The following AAK1 variants were observed in gnomAD, a reference collection of about 807,000 sequenced individuals.
AAK1 encodes AP2-associated protein kinase 1.
Under a neutral mutation model 116.0 loss-of-function variants are expected in AAK1, and 37 were observed. The observed-to-expected ratio is 0.32, with a 90% CI of 0.25 to 0.42. The LOEUF (loss-of-function observed/expected upper bound fraction) is 0.42, where lower values mean the gene tolerates loss of function less well. Among genes scored for constraint, AAK1 ranks in the 10% least tolerant of loss-of-function variants. AAK1 has a pLI of 1.00. For synonymous variants in AAK1, 458 were observed against 439.9 expected, an observed-to-expected ratio of 1.04 and a Z score of -0.51; for missense variants, 919 against 1,170.6, an observed-to-expected ratio of 0.79 and a Z score of 3.14.
chr2:69,514,691 G>A lies in AAK1; in HGVS notation c.1556C>T (p.Ser519Phe). ...KPAIAQFPVV[S>F]QGGSQQQLMQ... ...TAGCTGCTGTTGAGAGCCTCCTTGG[G>A]ACACCACAGGGAACTGAGCAATTGC... is the stretch of plus-strand genomic sequence containing the variant. Residue 519 changes from serine (S) to phenylalanine (F), a missense_variant, in exon 13 of 22, where the codon TCC becomes TTC. Coordinates refer to ENST00000409085, the MANE Select transcript of AAK1 (RefSeq NM_014911.5). 2 of 1,613,452 alleles carry A rather than the reference G, an allele frequency of 1.2e-6. No individual in the cohort carries two copies. Among genetic ancestry groups the A allele is most frequent in the Non-Finnish European group, 1.7e-6 (2 of 1,179,656 alleles).
intron 2 of AAK1, among the ~76,000 whole-genome samples, chr2:69,619,250 A>G (rs1210137949): frequency 1.3e-5 from 2 of 152,074 alleles, no homozygotes; most frequent in Admixed American, 1.3e-4. Flanking sequence ...CCTCAGCCCC[A>G]TACTTACCAC....
intron 19 of AAK1, 22 bp from the exon 20 acceptor site, chr2:69,479,083 C>G: frequency 6.6e-7 from 1 of 1,519,482 alleles, no homozygotes; most frequent in East Asian, 2.3e-5. Context: ...TTAACAGCAT[C>G]CCAGGTCAGT....
chr2:69,470,058 G>A lies in AAK1; in HGVS notation c.*5811C>T. On this transcript the variant is annotated 3_prime_UTR_variant, in exon 22 of 22. Coordinates refer to ENST00000409085, the MANE Select transcript of AAK1 (RefSeq NM_014911.5). Reference sequence around the variant, plus strand: ...CTGGAAACTCCATCTGATTGACATAGTGAGGGCCATCAGAATGCTCCCTAC... The same window carrying A: ...CTGGAAACTCCATCTGATTGACATAATGAGGGCCATCAGAATGCTCCCTAC... The A allele has an allele frequency of 2.0e-6, 2 of 985,418 alleles. No individual in the cohort carries two copies. Among genetic ancestry groups the A allele is most frequent in the Non-Finnish European group, 2.4e-6 (2 of 829,926 alleles). 61.0% of individuals were successfully genotyped at this position (985,418 alleles called of 1,614,324 possible).
chr2:69,500,548 A>G (rs1205075500), intron 16 of AAK1, among the ~76,000 whole-genome samples: 1 of 151,762 alleles, frequency 6.6e-6, no homozygotes, highest in African/African-American at 2.4e-5. Context: ...AATGAGCAAG[A>G]AAAGTGCTTA....
intron 2 of AAK1, among the ~76,000 whole-genome samples, chr2:69,606,902 C>T (rs776740722): frequency 2.0e-5 from 3 of 151,934 alleles, no homozygotes; most frequent in Non-Finnish European, 2.9e-5. Context: ...CCCATCTCTA[C>T]AAAAAATACA....
At position 69,472,872 on chromosome 2, in the gene AAK1, C is replaced by T; in HGVS notation, c.*2997G>A. The T allele has an allele frequency of 1.0e-6, 1 of 985,756 alleles. No individual in the cohort carries two copies. The highest frequency in any genetic ancestry group is 1.2e-6 in the Non-Finnish European group (1 of 829,858). The allele number at this position is 985,756 out of a possible 1,614,324, so 61.1% of individuals were successfully genotyped here. On this transcript the variant is annotated 3_prime_UTR_variant, in exon 22 of 22. Coordinates refer to ENST00000409085, the MANE Select transcript of AAK1 (RefSeq NM_014911.5). ...TTCTGTAATACTTAAAAAGGAAAAT[C>T]TCTAAGATTATGATTTAGGCTTCTA... is the stretch of plus-strand genomic sequence containing the variant.
chr2:69,488,680 A>T (rs1365930880), intron 17 of AAK1, among the ~76,000 whole-genome samples: 2 of 152,164 alleles, frequency 1.3e-5, no homozygotes, highest in African/African-American at 2.4e-5. Flanking sequence ...TACAGTAGTG[A>T]ATATGGGTCA....
At position 69,466,768 on chromosome 2, in the gene AAK1, C is replaced by T. The variant is rs562358858; in HGVS notation, c.*9101G>A. ...ACGTTTTGGAACATGATAGGCACGA[C>T]GTACAGGAAAGGAGATGAAGATGTT... On this transcript the variant is annotated 3_prime_UTR_variant, in exon 22 of 22. Coordinates refer to ENST00000409085, the MANE Select transcript of AAK1 (RefSeq NM_014911.5). The T allele has an allele frequency of 1.1e-3, 1,075 of 985,372 alleles. 1 individual carries two copies. Among genetic ancestry groups the T allele is most frequent in the Non-Finnish European group, 1.2e-3 (1,029 of 829,932 alleles). 61.0% of individuals were successfully genotyped at this position (985,372 alleles called of 1,614,324 possible).
rs550354011 is a variant in AAK1 at position 69,473,022 on chromosome 2, T to C, written c.*2847A>G. ...AAGAACATCAGGATTATATAAATCC[T>C]TCATAGCCCTTCTCAATATAATAAT... is the stretch of plus-strand genomic sequence containing the variant. On this transcript the variant is annotated 3_prime_UTR_variant, in exon 22 of 22. Transcript: ENST00000409085. 2.0e-6 allele frequency: 2 copies of C among 975,682 alleles called. No individual in the cohort carries two copies. Among genetic ancestry groups the C allele is most frequent in the South Asian group, 4.7e-5 (1 of 21,070 alleles). The allele number at this position is 975,682 out of a possible 1,614,324, so 60.4% of individuals were successfully genotyped here. A position where few individuals can be genotyped will look rare whatever the true frequency, so the allele number is the denominator to read the frequency against.
chr2:69,513,008 T>C lies in AAK1; in HGVS notation c.1776+1463A>G, dbSNP rs183410542. 4.6e-3 allele frequency among the ~76,000 whole-genome samples: 696 copies of C among 152,342 alleles called. 3 individuals are homozygous for C. The highest frequency in any genetic ancestry group is 0.016 in the African/African-American group (663 of 41,584). ...TAGTCTATGCCTCAGTTTCCAATTC[T>C]GTAAAATGAGGAGGCTGAACTGAAT... is the stretch of plus-strand genomic sequence containing the variant. On this transcript the variant is annotated intron_variant, in intron 13 of 21. Transcript: ENST00000409085.
chr2:69,585,434 TA>T (rs1172607712), intron 2 of AAK1, among the ~76,000 whole-genome samples: 2 of 152,160 alleles, frequency 1.3e-5, no homozygotes, highest in Non-Finnish European at 2.9e-5. Flanking sequence ...GGTTAACATT[TA>T]TGCTTCGGCA....
chr2:69,531,574 C>T, intron 6 of AAK1: 9 of 986,850 alleles, frequency 9.1e-6, no homozygotes, highest in Non-Finnish European at 1.1e-5. Flanking sequence ...GATTCAGTAT[C>T]TGCAGAGACT....
Position 69,471,834 on chromosome 2 carries a change from A to G in AAK1, c.*4035T>C. 1 of 985,486 alleles carries G rather than the reference A, an allele frequency of 1.0e-6. No individual in the cohort carries two copies. Among genetic ancestry groups the G allele is most frequent in the Non-Finnish European group, 1.2e-6 (1 of 829,928 alleles). The allele number at this position is 985,486 out of a possible 1,614,324, so 61.0% of individuals were successfully genotyped here. ...AACTGTTCCTAACCTGGGGAAGGTT[A>G]TATTGGTTGATCAATTATCTGTCAG... On this transcript the variant is annotated 3_prime_UTR_variant, in exon 22 of 22. Transcript: ENST00000409085.
rs114193346 is a variant in AAK1 at position 69,467,575 on chromosome 2, G to A, written c.*8294C>T. 2 of 985,238 alleles carry A rather than the reference G, an allele frequency of 2.0e-6. No homozygotes were observed. Among genetic ancestry groups the A allele is most frequent in the African/African-American group, 1.7e-5 (1 of 57,190 alleles). 61.0% of individuals were successfully genotyped at this position (985,238 alleles called of 1,614,324 possible). Reference sequence around the variant, plus strand: ...TGGGCTCAGTAAAGAGATACTACTGGAGTTTCCCAACCCACCAGGATAAGA... The same window carrying A: ...TGGGCTCAGTAAAGAGATACTACTGAAGTTTCCCAACCCACCAGGATAAGA... On this transcript the variant is annotated 3_prime_UTR_variant, in exon 22 of 22. Transcript: ENST00000409085.
chr2:69,585,727 G>T (rs1672736198), intron 2 of AAK1, among the ~76,000 whole-genome samples: 1 of 152,166 alleles, frequency 6.6e-6, no homozygotes, highest in Admixed American at 6.5e-5. Flanking sequence ...TTTTACATAT[G>T]ATGTGGCATA....
In AAK1 at chr2:69,574,310, G is replaced by A. The variant is rs539242295; in HGVS notation, c.164-17332C>T. ...TGCTTGAATCTTGAATCCGGGAGGC[G>A]GAAGCTGCAGTGAGCAGAGATCACA... On this transcript the variant is annotated intron_variant, in intron 2 of 21. Transcript: ENST00000409085. Among the ~76,000 whole-genome samples the A allele has an allele frequency of 1.7e-4, 25 of 149,046 alleles. No individual in the cohort carries two copies. In the East Asian group the frequency reaches 3.4e-3, roughly 20 times the overall value.
intron 2 of AAK1, among the ~76,000 whole-genome samples, chr2:69,592,024 A>C (rs1429343514): frequency 2.0e-5 from 3 of 152,222 alleles, no homozygotes; most frequent in Admixed American, 6.5e-5. Flanking sequence ...TAGTCCACAG[A>C]GAGGTCAATA....
At chr2:69,575,657 A>G (rs980656109) in intron 2 of AAK1, among the ~76,000 whole-genome samples, 4 of 152,014 alleles carry the variant, frequency 2.6e-5, no homozygotes, top group African/African-American at 9.7e-5. Flanking sequence ...TAGTAGAGAC[A>G]GGATTTGGCT....
intron 17 of AAK1, among the ~76,000 whole-genome samples, chr2:69,492,483 G>A (rs1675563446): frequency 6.7e-6 from 1 of 149,090 alleles, no homozygotes; most frequent in Non-Finnish European, 1.5e-5. Flanking sequence ...CAGAGTGCTG[G>A]GATTACAGGC....
Sources: gnomAD v4.1 joint callset for allele counts (sites outside exome capture counted in the v4.1 genomes callset) on GRCh38, gnomAD v4.1.1 for gene constraint, MANE v1.5 for transcripts, NCBI Gene and HGNC (gene_info 2026-07-23, HGNC 2026-07-21) for gene names.